The following ATP9B variants were observed in gnomAD, a reference collection of about 807,000 sequenced individuals.
ATP9B encodes probable phospholipid-transporting ATPase IIB.
ATP9B carries 110 observed loss-of-function variants against 146.1 expected under a neutral mutation model. That is an observed-to-expected ratio of 0.75 (90% confidence interval 0.65 to 0.88). The LOEUF is 0.88. ATP9B is among the 40% of genes least tolerant of loss of function. ATP9B has a pLI of 0.00. For synonymous variants in ATP9B, 604 were observed against 569.7 expected (o/e 1.06, Z -0.86); for missense variants, 1,499 against 1,496.4 (o/e 1.00, Z -0.03).
intron 13 of ATP9B, among the ~76,000 whole-genome samples, chr18:79,285,491 G>T (rs2096428407): frequency 1.3e-5 from 2 of 151,972 alleles, no homozygotes; most frequent in Admixed American, 1.3e-4. Context: ...AAATTTATTT[G>T]AGTTCATTGT....
rs149805864 is a variant in ATP9B at position 79,209,748 on chromosome 18, G to A, written c.1030+2736G>A. ...GTACCTTTAATGTTAGTTTGTATTC[G>A]AACATCTTTAAATGTAAGCTTTAAT... On this transcript the variant is annotated intron_variant, in intron 10 of 29. Coordinates refer to ENST00000426216, the MANE Select transcript of ATP9B (RefSeq NM_198531.5). 2.4e-4 allele frequency: 211 copies of A among 869,688 alleles called. No homozygotes were observed. The African/African-American group carries it at 3.5e-3, about 14-fold the overall frequency. The allele number at this position is 869,688 out of a possible 1,614,324, so 53.9% of individuals were successfully genotyped here.
intron 11 of ATP9B, among the ~76,000 whole-genome samples, chr18:79,230,408 G>C (rs1371699252): frequency 6.6e-6 from 1 of 152,142 alleles, no homozygotes; most frequent in Admixed American, 6.5e-5. Flanking sequence ...CAGTAGCCCT[G>C]CTGTATACCA....
chr18:79,311,633 G>A (rs1395601225), intron 15 of ATP9B, among the ~76,000 whole-genome samples: 2 of 152,116 alleles, frequency 1.3e-5, no homozygotes, highest in Admixed American at 6.5e-5. Context: ...ATTATGACAC[G>A]TCATTAGCCA....
chr18:79,071,049 C>CTTTTTTCTTTTTTTTTTTTTTTTTTT (rs1555723402), intron 1 of ATP9B, among the ~76,000 whole-genome samples: 2 of 112,392 alleles, frequency 1.8e-5, no homozygotes, highest in African/African-American at 7.0e-5. Context: ...ATTCCTGTTT[C>CTTTTTTCTTTTTTTTTTTTTTTTTTT]TTTTTTTTTT....
At chr18:79,187,378 G>A (rs751239934) in intron 8 of ATP9B, among the ~76,000 whole-genome samples, 3 of 152,168 alleles carry the variant, frequency 2.0e-5, no homozygotes, top group Non-Finnish European at 2.9e-5. Context: ...TCCCACAGGG[G>A]AGGTTCGGAA....
chr18:79,126,941 G>A (rs957662863), intron 5 of ATP9B, among the ~76,000 whole-genome samples: 8 of 152,168 alleles, frequency 5.3e-5, no homozygotes, highest in South Asian at 2.1e-4. Context: ...ACAAAAGGAA[G>A]CAATGTATTA....
In ATP9B at chr18:79,241,411, T is replaced by C. The variant is rs956271459; in HGVS notation, c.1108-11970T>C. ...CAAGCTTTTCTTAGATCCCCCGTAG[T>C]GTGAGGACCCACAGCTTCTCTATCG... On this transcript the variant is annotated intron_variant, in intron 11 of 29. Transcript: ENST00000426216. Among the ~76,000 whole-genome samples, 6 of 152,178 alleles carry C rather than the reference T, an allele frequency of 3.9e-5. No homozygotes were observed. The East Asian group carries it at 9.6e-4, about 24-fold the overall frequency.
chr18:79,169,375 A>G (rs2095035211), intron 7 of ATP9B, among the ~76,000 whole-genome samples: 2 of 152,160 alleles, frequency 1.3e-5, no homozygotes, highest in African/African-American at 4.8e-5. Context: ...AGCTAGAGTA[A>G]TGCTTTCAGT....
At chr18:79,376,600 G>C (rs1426828633) in intron 29 of ATP9B, among the ~76,000 whole-genome samples, 1 of 152,030 alleles carries the variant, frequency 6.6e-6, no homozygotes, top group African/African-American at 2.4e-5. Flanking sequence ...ATGTTGGCCA[G>C]GCTGGTCTCA....
chr18:79,180,094 T>G (rs1460607466), intron 8 of ATP9B, among the ~76,000 whole-genome samples: 3 of 152,192 alleles, frequency 2.0e-5, no homozygotes, highest in Admixed American at 6.5e-5. Flanking sequence ...TTTTTTAAAT[T>G]AGTATTTACA....
In ATP9B at chr18:79,336,695, A is replaced by G. The variant is rs1251636891; in HGVS notation, c.2096A>G (p.Gln699Arg). ...GCAAAGAAGGCGTTGACAGAGGAGC[A>G]GTACCAGGACTTTGAGGTGAGCCGA... ...VVAKKALTEEQYQDFESRYTQ... is the reference protein window; with the variant it reads ...VVAKKALTEERYQDFESRYTQ... The change falls in exon 18 of 30, where the codon CAG (glutamine) becomes CGG (arginine). Residue 699 changes from glutamine (Q) to arginine (R), a missense_variant. Coordinates refer to ENST00000426216, the MANE Select transcript of ATP9B (RefSeq NM_198531.5). The G allele has an allele frequency of 1.2e-6, 2 of 1,613,882 alleles. No homozygotes were observed. The highest frequency in any genetic ancestry group is 3.3e-5 in the Admixed American group (2 of 59,998).
intron 11 of ATP9B, among the ~76,000 whole-genome samples, chr18:79,216,286 C>A (rs1000584406): frequency 6.6e-6 from 1 of 152,104 alleles, no homozygotes; most frequent in African/African-American, 2.4e-5. Context: ...GTTGGAGCGG[C>A]CTCCTAGTTT....
At chr18:79,241,515 A>G (rs1445140351) in intron 11 of ATP9B, among the ~76,000 whole-genome samples, 1 of 152,172 alleles carries the variant, frequency 6.6e-6, no homozygotes, top group Non-Finnish European at 1.5e-5. Context: ...CAGGTTCCAT[A>G]CAGAGTCTCA....
At chr18:79,138,611 A>G (rs2147344890) in intron 5 of ATP9B, among the ~76,000 whole-genome samples, 1 of 152,312 alleles carries the variant, frequency 6.6e-6, no homozygotes, top group East Asian at 1.9e-4. Flanking sequence ...TGATCAGCAT[A>G]TTCATTTAGT....
chr18:79,130,057 A>T (rs1236063395), intron 5 of ATP9B, among the ~76,000 whole-genome samples: 2 of 152,180 alleles, frequency 1.3e-5, no homozygotes, highest in African/African-American at 4.8e-5. Flanking sequence ...CCAGTTTTCT[A>T]CAAAAAACAT....
chr18:79,374,243 C>G (rs1292567276), intron 28 of ATP9B, 142 bp downstream of exon 28: 3 of 1,004,166 alleles, frequency 3.0e-6, no homozygotes, highest in Non-Finnish European at 4.4e-6. Flanking sequence ...CTTACTGTCC[C>G]TGCACCACGG....
intron 2 of ATP9B, among the ~76,000 whole-genome samples, chr18:79,097,217 T>A (rs1351312393): frequency 6.6e-6 from 1 of 151,864 alleles, no homozygotes; most frequent in Non-Finnish European, 1.5e-5. Context: ...ATGATAGAAT[T>A]AATAATGGTT....
chr18:79,110,316 A>G, intron 2 of ATP9B, 39 bp from the exon 3 acceptor site: 3 of 1,335,500 alleles, frequency 2.2e-6, no homozygotes, highest in Non-Finnish European at 3.0e-6. Context: ...TTTAAAAAGC[A>G]AAAAAAAATA....
intron 11 of ATP9B, among the ~76,000 whole-genome samples, chr18:79,244,915 T>G (rs2095928184): frequency 1.3e-5 from 2 of 152,246 alleles, no homozygotes; most frequent in South Asian, 4.1e-4. Flanking sequence ...TAAGAGACTT[T>G]CTTTTACAAT....
Sources: gnomAD v4.1 joint callset for allele counts (sites outside exome capture counted in the v4.1 genomes callset) on GRCh38, gnomAD v4.1.1 for gene constraint, MANE v1.5 for transcripts, NCBI Gene and HGNC (gene_info 2026-07-23, HGNC 2026-07-21) for gene names.